ZNRF2: variants seen among roughly 807,000 people sequenced by gnomAD.
The protein encoded by ZNRF2 is E3 ubiquitin-protein ligase ZNRF2.
A neutral mutation model predicts 20.4 loss-of-function variants in ZNRF2; 16 were observed. The observed-to-expected ratio is 0.79, with a 90% CI of 0.53 to 1.19. ZNRF2 has a LOEUF of 1.19. Among genes scored for constraint, ZNRF2 ranks in the 50% most tolerant of loss-of-function variants. The probability of loss-of-function intolerance (pLI) is 0.00; values close to 1 mark genes in which losing one functional copy is unlikely to be tolerated. For missense variants in ZNRF2, 363 were observed against 332.4 expected, an observed-to-expected ratio of 1.09 and a Z score of -0.72; for synonymous variants, 178 against 144.9, an observed-to-expected ratio of 1.23 and a Z score of -1.64.
At chr7:30,341,046 C>A (rs948311915) in intron 2 of ZNRF2, among the ~76,000 whole-genome samples, 1 of 152,150 alleles carries the variant, frequency 6.6e-6, no homozygotes, top group Non-Finnish European at 1.5e-5. Context: ...TTATAGTATT[C>A]TCTGATGGTA....
intron 1 of ZNRF2, among the ~76,000 whole-genome samples, chr7:30,295,050 A>AGAGAGAGAGAGAGTGTGT (rs1412764480): frequency 1.8e-4 from 7 of 38,282 alleles, no homozygotes; most frequent in Non-Finnish European, 2.4e-4. Context: ...AGAGAGAGAG[A>AGAGAGAGAGAGAGTGTGT]GTGTGTGTGT....
intron 1 of ZNRF2, among the ~76,000 whole-genome samples, chr7:30,319,471 A>G (rs1441827260): frequency 6.6e-6 from 1 of 152,226 alleles, no homozygotes; most frequent in African/African-American, 2.4e-5. Flanking sequence ...TGGGTCACCT[A>G]GTCTGTATGT....
chr7:30,355,949 T>TTCTTAAAACTTAA (rs1219966332), intron 3 of ZNRF2, 116 bp downstream of exon 3: 3 of 618,434 alleles, frequency 4.9e-6, no homozygotes, highest in Non-Finnish European at 8.3e-6. Context: ...TCACACACAC[T>TTCTTAAAACTTAA]TCTTAAAACT....
chr7:30,351,393 A>G (rs1466607243), intron 2 of ZNRF2, among the ~76,000 whole-genome samples: 1 of 152,018 alleles, frequency 6.6e-6, no homozygotes, highest in African/African-American at 2.4e-5. Flanking sequence ...ATGTTTTTTC[A>G]TCACCGTCCA....
In ZNRF2 at chr7:30,358,671, TATTA is replaced by T. The variant is rs557535753; in HGVS notation, c.671+2844_671+2847del. Among the ~76,000 whole-genome samples the T allele has an allele frequency of 2.8e-3, 427 of 152,290 alleles. 1 individual carries two copies. Among genetic ancestry groups the T allele is most frequent in the Admixed American group, 5.1e-3 (78 of 15,306 alleles). On this transcript the variant is annotated intron_variant, in intron 3 of 4. Transcript: ENST00000323037. ...CCTGTACAGATTTATTATAAGACCA[TATTA>T]ATTAAGACAGTATGGAAATGGCACA...
At chr7:30,302,577 G>C (rs1364758077) in intron 1 of ZNRF2, among the ~76,000 whole-genome samples, 8 of 151,300 alleles carry the variant, frequency 5.3e-5, no homozygotes, top group African/African-American at 1.9e-4. Flanking sequence ...CCAAATTAGT[G>C]TATATATGTA....
chr7:30,308,106 ATT>A (rs765235312), intron 1 of ZNRF2, among the ~76,000 whole-genome samples: 7 of 152,194 alleles, frequency 4.6e-5, no homozygotes, highest in Non-Finnish European at 8.8e-5. Flanking sequence ...TTTCTTTGCC[ATT>A]CTTTGTTTTA....
chr7:30,360,111 A>T (rs1004195791), intron 3 of ZNRF2, among the ~76,000 whole-genome samples: 2 of 152,192 alleles, frequency 1.3e-5, no homozygotes, highest in Non-Finnish European at 2.9e-5. Flanking sequence ...GCCCTAGAGA[A>T]ACTCTTGATC....
chr7:30,342,874 T>C (rs928205251), intron 2 of ZNRF2, among the ~76,000 whole-genome samples: 3 of 152,184 alleles, frequency 2.0e-5, no homozygotes, highest in African/African-American at 7.2e-5. Flanking sequence ...AGAGTATCTT[T>C]ATCCAAGTGT....
intron 1 of ZNRF2, among the ~76,000 whole-genome samples, chr7:30,310,197 G>C (rs1799271249): frequency 6.6e-6 from 1 of 152,210 alleles, no homozygotes; most frequent in South Asian, 2.1e-4. Flanking sequence ...GTGGCAGCAG[G>C]AAAACAGTGG....
chr7:30,285,645 G>C lies in ZNRF2; in HGVS notation c.288G>C (p.Ala96=). ...AVGSVASGAR[A]AQSPFSIPNS... The stretch of plus-strand genomic sequence containing the variant: ...GGAGCGTGGCGTCGGGGGCCCGCGC[G>C]GCGCAGTCCCCCTTCAGCATCCCGA... Residue 96 remains alanine (A), a synonymous_variant, in exon 1 of 5, where the codon GCG becomes GCC. Transcript: ENST00000323037. 7.7e-7 allele frequency: 1 copy of C among 1,291,692 alleles called. No homozygotes were observed. Among genetic ancestry groups the C allele is most frequent in the Non-Finnish European group, 9.8e-7 (1 of 1,021,392 alleles). The allele number at this position is 1,291,692 out of a possible 1,614,324, so 80.0% of individuals were successfully genotyped here.
At chr7:30,303,186 G>A (rs145798770) in intron 1 of ZNRF2, among the ~76,000 whole-genome samples, 89 of 151,820 alleles carry the variant, frequency 5.9e-4, no homozygotes, top group African/African-American at 2.1e-3. Context: ...AGGAGGCTGA[G>A]GTGGGAGGAT....
chr7:30,363,433 A>G (rs1335295657), intron 4 of ZNRF2, among the ~76,000 whole-genome samples: 1 of 152,200 alleles, frequency 6.6e-6, no homozygotes, highest in African/African-American at 2.4e-5. Context: ...TCAAGTTCAG[A>G]TAACTAGTTT....
intron 2 of ZNRF2, among the ~76,000 whole-genome samples, chr7:30,337,595 G>A: frequency 6.6e-6 from 1 of 152,036 alleles, no homozygotes; most frequent in East Asian, 1.9e-4. Flanking sequence ...AGTTGACATT[G>A]TCTCTGTTTT....
At chr7:30,293,708 T>G (rs1224225998) in intron 1 of ZNRF2, among the ~76,000 whole-genome samples, 1 of 152,230 alleles carries the variant, frequency 6.6e-6, no homozygotes, top group Non-Finnish European at 1.5e-5. Flanking sequence ...TAAAAACTTG[T>G]GAGGTTTTTG....
chr7:30,328,871 G>T (rs1799592645), intron 2 of ZNRF2, among the ~76,000 whole-genome samples: 1 of 152,122 alleles, frequency 6.6e-6, no homozygotes, highest in African/African-American at 2.4e-5. Flanking sequence ...ATTATCTATT[G>T]CAGATGGTAT....
Position 30,294,852 on chromosome 7 carries a change from A to G in ZNRF2, c.469+9026A>G, listed in dbSNP as rs373545412. On this transcript the variant is annotated intron_variant, in intron 1 of 4. Transcript: ENST00000323037. ...TTTCAGTTGTAAAGGATAGAAGCATAACTCAAAATAGCATTAAGTGGAAAA... is the reference window on the plus strand; with the variant it reads ...TTTCAGTTGTAAAGGATAGAAGCATGACTCAAAATAGCATTAAGTGGAAAA... Among the ~76,000 whole-genome samples the G allele has an allele frequency of 9.9e-5, 15 of 152,212 alleles. No individual in the cohort carries two copies. The East Asian group carries it at 2.7e-3, about 27-fold the overall frequency.
At chr7:30,328,505 C>G (rs761515140) in intron 2 of ZNRF2, among the ~76,000 whole-genome samples, 2 of 152,112 alleles carry the variant, frequency 1.3e-5, no homozygotes, top group African/African-American at 4.8e-5. Context: ...TATAAACATT[C>G]ATAGTTATAA....
chr7:30,298,006 A>G (rs1201951561), intron 1 of ZNRF2, among the ~76,000 whole-genome samples: 1 of 152,164 alleles, frequency 6.6e-6, no homozygotes, highest in African/African-American at 2.4e-5. Flanking sequence ...TTGGGACCAC[A>G]GGTGCATGCC....
Sources: gnomAD v4.1 joint callset for allele counts (sites outside exome capture counted in the v4.1 genomes callset) on GRCh38, gnomAD v4.1.1 for gene constraint, MANE v1.5 for transcripts, NCBI Gene and HGNC (gene_info 2026-07-23, HGNC 2026-07-21) for gene names.